Variants in GRB14 observed in about 807,000 individuals in gnomAD.
GRB14 encodes the protein growth factor receptor bound protein 14.
In GRB14, 38 loss-of-function variants were observed where a neutral mutation model predicts 69.1. That is an observed-to-expected ratio of 0.55 (90% CI 0.42 to 0.72). The LOEUF (loss-of-function observed/expected upper bound fraction) is 0.72, where lower values mean the gene tolerates loss of function less well. Among genes scored for constraint, GRB14 ranks in the 30% least tolerant of loss-of-function variants. The pLI, the probability that GRB14 is intolerant of heterozygous loss-of-function variation, is 0.00. For synonymous variants in GRB14, 247 were observed against 241.3 expected (o/e 1.02, Z -0.22); for missense variants, 666 against 666.1 (o/e 1.00, Z 0.00).
At chr2:164,547,520 G>T in intron 3 of GRB14, 140 bp downstream of exon 3, 1 of 573,742 alleles carries the variant, frequency 1.7e-6, no homozygotes, top group Non-Finnish European at 2.9e-6. Context: ...AAAGAAAAAA[G>T]AATGAAAAGG....
intron 6 of GRB14, among the ~76,000 whole-genome samples, chr2:164,519,460 G>A (rs1321059672): frequency 6.6e-6 from 1 of 152,138 alleles, no homozygotes; most frequent in Non-Finnish European, 1.5e-5. Flanking sequence ...AGAAATGGAT[G>A]CTCACTCTCA....
At chr2:164,514,664 C>G (rs892402504) in intron 6 of GRB14, among the ~76,000 whole-genome samples, 1 of 152,008 alleles carries the variant, frequency 6.6e-6, no homozygotes, top group African/African-American at 2.4e-5. Context: ...AACTTTGTAA[C>G]AATTTCAACT....
chr2:164,511,836 T>C (rs71426725), intron 6 of GRB14, among the ~76,000 whole-genome samples: 15,844 of 152,046 alleles, frequency 0.1, 964 homozygotes, highest in Middle Eastern at 0.16. Flanking sequence ...TTCTGAGGGG[T>C]CCCCAGTTCT....
At position 164,493,102 on chromosome 2, in the gene GRB14, G is replaced by C. The variant is rs1686799761; in HGVS notation, c.1557C>G (p.Phe519Leu). ...RFTDLIQLVE[F>L]YQLNKGVLPC... is the part of the protein sequence containing the mutation. ...GAAGAACGCCCTTATTGAGTTGATAGAACTCCACCAGCTGTATTAGATCTG... is the reference window on the plus strand; with the variant it reads ...GAAGAACGCCCTTATTGAGTTGATACAACTCCACCAGCTGTATTAGATCTG... Residue 519 changes from phenylalanine to leucine, a missense_variant, in exon 14 of 14, where the codon TTC becomes TTG. By Grantham distance (22) the Phe-to-Leu change is conservative. Transcript: ENST00000263915. 1.9e-6 allele frequency: 3 copies of C among 1,613,460 alleles called. No homozygotes were observed. The highest frequency in any genetic ancestry group is 2.5e-6 in the Non-Finnish European group (3 of 1,179,538).
intron 2 of GRB14, among the ~76,000 whole-genome samples, chr2:164,608,154 C>G (rs1000568593): frequency 6.6e-6 from 1 of 152,054 alleles, no homozygotes; most frequent in Non-Finnish European, 1.5e-5. Flanking sequence ...GGCAGATCAA[C>G]TGAGGTCAGG....
intron 2 of GRB14, among the ~76,000 whole-genome samples, chr2:164,579,783 T>C (rs983134665): frequency 6.6e-6 from 1 of 152,172 alleles, no homozygotes; most frequent in Middle Eastern, 3.4e-3. Flanking sequence ...GGTAAGCCCA[T>C]AGAAAAGGAC....
intron 6 of GRB14, among the ~76,000 whole-genome samples, chr2:164,521,774 G>C (rs768427681): frequency 9.9e-5 from 15 of 152,088 alleles, no homozygotes; most frequent in South Asian, 2.1e-4. Flanking sequence ...AGAGTATCCA[G>C]ACTCCATCAA....
chr2:164,567,281 T>C (rs1688998294), intron 2 of GRB14, among the ~76,000 whole-genome samples: 1 of 152,232 alleles, frequency 6.6e-6, no homozygotes, highest in Admixed American at 6.5e-5. Context: ...AGTAAATAAA[T>C]GGTTGACTGG....
intron 2 of GRB14, among the ~76,000 whole-genome samples, chr2:164,599,879 C>T (rs891290422): frequency 2.6e-5 from 4 of 152,076 alleles, no homozygotes; most frequent in Non-Finnish European, 5.9e-5. Flanking sequence ...AAAGAAAAGA[C>T]CCAACATAGA....
intron 5 of GRB14, among the ~76,000 whole-genome samples, chr2:164,524,027 C>G (rs1395611874): frequency 2.0e-5 from 3 of 152,018 alleles, no homozygotes; most frequent in Non-Finnish European, 4.4e-5. Context: ...AGCACAGAAG[C>G]AGCTTTTAGA....
intron 2 of GRB14, among the ~76,000 whole-genome samples, chr2:164,561,157 A>T (rs1026448734): frequency 6.6e-6 from 1 of 152,082 alleles, no homozygotes; most frequent in African/African-American, 2.4e-5. Context: ...CAAAATCATG[A>T]TGCCCAGCAA....
intron 3 of GRB14, among the ~76,000 whole-genome samples, chr2:164,545,012 C>A (rs1447950293): frequency 6.6e-6 from 1 of 152,212 alleles, no homozygotes; most frequent in African/African-American, 2.4e-5. Flanking sequence ...TTGAACAGAA[C>A]CTTTCATTGG....
intron 2 of GRB14, among the ~76,000 whole-genome samples, chr2:164,599,761 C>T (rs905875244): frequency 2.0e-5 from 3 of 152,142 alleles, no homozygotes; most frequent in Non-Finnish European, 4.4e-5. Context: ...TCAGGCAAAA[C>T]ACTATAAAAT....
In GRB14 at chr2:164,621,456, G is replaced by A. The variant is rs1690463575; in HGVS notation, c.-147C>T. ...GCCGCCTGCGCTCGGGGCCCCGGCG[G>A]CTGAGACGCGCGGCCGAGCTATCTG... On this transcript the variant is annotated 5_prime_UTR_variant, in exon 1 of 14. Coordinates refer to ENST00000263915, the MANE Select transcript of GRB14 (RefSeq NM_004490.3). This position sits in a 1 kb window ranked among gnomAD's most constrained non-coding sequence, Gnocchi z 6.0. The A allele has an allele frequency of 2.0e-6, 1 of 489,816 alleles. No homozygotes were observed. Among genetic ancestry groups the A allele is most frequent in the Non-Finnish European group, 3.2e-6 (1 of 317,036 alleles). The allele number at this position is 489,816 out of a possible 1,614,324, so 30.3% of individuals were successfully genotyped here.
intron 6 of GRB14, among the ~76,000 whole-genome samples, chr2:164,511,813 A>G (rs1306885002): frequency 3.3e-5 from 5 of 152,094 alleles, no homozygotes; most frequent in African/African-American, 7.2e-5. Flanking sequence ...AGATGGATAG[A>G]GCACCAGGAT....
At chr2:164,583,157 AC>A (rs1413471031) in intron 2 of GRB14, among the ~76,000 whole-genome samples, 1 of 152,130 alleles carries the variant, frequency 6.6e-6, no homozygotes, top group Non-Finnish European at 1.5e-5. Context: ...TTCTAATTTA[AC>A]CCTGTTTATC....
intron 2 of GRB14, among the ~76,000 whole-genome samples, chr2:164,563,514 AGCCTGTTCTTG>A (rs1688888075): frequency 6.6e-6 from 1 of 152,196 alleles, no homozygotes; most frequent in Non-Finnish European, 1.5e-5. Context: ...AAAACTCACG[AGCCTGTTCTTG>A]GTCCTTCACA....
chr2:164,507,617 G>A (rs1369296777), intron 8 of GRB14, among the ~76,000 whole-genome samples: 1 of 152,124 alleles, frequency 6.6e-6, no homozygotes, highest in Non-Finnish European at 1.5e-5. Flanking sequence ...AATAAATTAT[G>A]TATTTTGTTG....
At chr2:164,536,028 G>T (rs1004372534) in intron 3 of GRB14, among the ~76,000 whole-genome samples, 1 of 152,168 alleles carries the variant, frequency 6.6e-6, no homozygotes, top group African/African-American at 2.4e-5. Flanking sequence ...CCATTAATTC[G>T]AAGGTTCTCA....
Sources: allele counts gnomAD v4.1 joint callset (sites outside exome capture counted in the v4.1 genomes callset), GRCh38; gene constraint gnomAD v4.1.1; non-coding constraint Gnocchi (gnomAD v3.1); transcripts MANE v1.5; gene names NCBI Gene and HGNC (gene_info 2026-07-23, HGNC 2026-07-21).